Variants in RWDD1 observed in about 807,000 individuals in gnomAD.
The protein encoded by RWDD1 is RWD domain containing 1.
RWDD1 carries 17 observed loss-of-function variants against 31.6 expected under a neutral mutation model. That is an observed-to-expected ratio of 0.54 (90% confidence interval 0.37 to 0.81). RWDD1 has a LOEUF of 0.81. Among genes scored for constraint, RWDD1 ranks in the 30% least tolerant of loss-of-function variants. The pLI is 0.00. For missense variants in RWDD1, 204 were observed against 274.5 expected (o/e 0.74, Z 1.82); for synonymous variants, 78 against 94.2 (o/e 0.83, Z 0.99).
chr6:116,585,709 T>C (rs1480930490), intron 3 of RWDD1, among the ~76,000 whole-genome samples: 2 of 152,214 alleles, frequency 1.3e-5, no homozygotes, highest in Admixed American at 1.3e-4. Flanking sequence ...AAAGAAGATA[T>C]ATCAGATAGG....
chr6:116,591,176 A>G (rs1775138310), intron 6 of RWDD1, among the ~76,000 whole-genome samples: 1 of 152,050 alleles, frequency 6.6e-6, no homozygotes, highest in Non-Finnish European at 1.5e-5. Flanking sequence ...ACTGAACTTT[A>G]TTTATTGTAC....
chr6:116,587,119 A>C (rs553717594), intron 3 of RWDD1, among the ~76,000 whole-genome samples: 1 of 152,326 alleles, frequency 6.6e-6, no homozygotes, highest in Non-Finnish European at 1.5e-5. Flanking sequence ...TTTGTTATTG[A>C]AATGTGTCAA....
rs1296217409 is a variant in RWDD1 at position 116,594,837 on chromosome 6, T to TA, written c.*1737dup. Reference sequence around the variant, plus strand: ...AGAGCTGCCTCCAGTAAAAAATACATATGCCACATACCCACAAACAGCAAT... The same window carrying TA: ...AGAGCTGCCTCCAGTAAAAAATACATAATGCCACATACCCACAAACAGCAAT... On this transcript the variant is annotated 3_prime_UTR_variant, in exon 7 of 7. Transcript: ENST00000466444. 1 of 152,248 alleles carries TA rather than the reference T, an allele frequency of 6.6e-6. No homozygotes were observed. The highest frequency in any genetic ancestry group is 6.5e-5 in the Admixed American group (1 of 15,288). The allele number at this position is 152,248 out of a possible 1,614,324, so 9.4% of individuals were successfully genotyped here. A position where few individuals can be genotyped will look rare whatever the true frequency, so the allele number is the denominator to read the frequency against.
chr6:116,583,296 C>T (rs1349132551), intron 2 of RWDD1, among the ~76,000 whole-genome samples: 1 of 152,066 alleles, frequency 6.6e-6, no homozygotes, highest in Non-Finnish European at 1.5e-5. Context: ...TTTCCTTTGT[C>T]TCAAGATATT....
At chr6:116,576,044 G>A (rs956854004) in intron 1 of RWDD1, among the ~76,000 whole-genome samples, 1 of 152,178 alleles carries the variant, frequency 6.6e-6, no homozygotes, top group Admixed American at 6.5e-5. Flanking sequence ...AACTTTAAGA[G>A]TGGATATTGG....
At chr6:116,591,280 A>G (rs1191524769) in intron 6 of RWDD1, among the ~76,000 whole-genome samples, 3 of 152,216 alleles carry the variant, frequency 2.0e-5, no homozygotes, top group Admixed American at 1.3e-4. Flanking sequence ...TTGTAATTCT[A>G]TAGCAACATA....
At chr6:116,590,823 T>G in intron 5 of RWDD1, 65 bp from the exon 6 acceptor site, 1 of 1,519,754 alleles carries the variant, frequency 6.6e-7, no homozygotes, top group Non-Finnish European at 8.8e-7. Flanking sequence ...GCTTTCTAAG[T>G]ATTGTAGTGA....
At chr6:116,591,234 C>T (rs1775139147) in intron 6 of RWDD1, among the ~76,000 whole-genome samples, 1 of 152,088 alleles carries the variant, frequency 6.6e-6, no homozygotes, top group Admixed American at 6.5e-5. Flanking sequence ...AGAATAAATT[C>T]TAGTGGTTGA....
At chr6:116,574,792 A>T (rs1346115402) in intron 1 of RWDD1, among the ~76,000 whole-genome samples, 1 of 113,468 alleles carries the variant, frequency 8.8e-6, no homozygotes, top group Non-Finnish European at 1.6e-5. Context: ...CTTTTTTGAG[A>T]CAAGGTCTCA....
At chr6:116,576,190 G>T (rs933902378) in intron 1 of RWDD1, among the ~76,000 whole-genome samples, 10 of 152,186 alleles carry the variant, frequency 6.6e-5, no homozygotes, top group African/African-American at 2.4e-4. Context: ...CTCTGTATCT[G>T]TTTAATGAGA....
intron 1 of RWDD1, among the ~76,000 whole-genome samples, chr6:116,578,892 T>TC (rs1056089779): frequency 1.3e-5 from 2 of 152,088 alleles, no homozygotes; most frequent in Non-Finnish European, 2.9e-5. Flanking sequence ...TTTCTTTTTT[T>TC]TGAGACAGAG....
chr6:116,586,469 C>T (rs559758144), intron 3 of RWDD1, among the ~76,000 whole-genome samples: 1 of 152,030 alleles, frequency 6.6e-6, no homozygotes, highest in East Asian at 1.9e-4. Context: ...ATTTCAGTTA[C>T]ACATATATGA....
intron 3 of RWDD1, among the ~76,000 whole-genome samples, chr6:116,587,055 A>G (rs1775054048): frequency 6.6e-6 from 1 of 152,120 alleles, no homozygotes; most frequent in Non-Finnish European, 1.5e-5. Flanking sequence ...TTGCTTTTCT[A>G]TCGGAATACT....
At chr6:116,579,432 A>G (rs958876913) in intron 1 of RWDD1, among the ~76,000 whole-genome samples, 3 of 152,214 alleles carry the variant, frequency 2.0e-5, no homozygotes, top group Non-Finnish European at 4.4e-5. Flanking sequence ...GGTTCTGAGT[A>G]CAAGTTTTCT....
intron 2 of RWDD1, among the ~76,000 whole-genome samples, chr6:116,583,555 T>G (rs969925504): frequency 1.5e-4 from 23 of 151,884 alleles, no homozygotes; most frequent in African/African-American, 5.6e-4. Context: ...CACACACAAA[T>G]CATAATGATA....
chr6:116,580,830 C>T lies in RWDD1; in HGVS notation c.139+470C>T, dbSNP rs187739911. ...TTTCTGTCTCTTTCTTTTGAAATAA[C>T]GTAACTATAAAAACCAATAAATTAA... On this transcript the variant is annotated intron_variant, in intron 2 of 6. Coordinates refer to ENST00000466444, the MANE Select transcript of RWDD1 (RefSeq NM_015952.4). 2.6e-3 allele frequency among the ~76,000 whole-genome samples: 397 copies of T among 151,960 alleles called. 2 individuals are homozygous for T. The highest frequency in any genetic ancestry group is 8.7e-3 in the African/African-American group (360 of 41,470).
intron 2 of RWDD1, among the ~76,000 whole-genome samples, chr6:116,582,256 T>G (rs906377149): frequency 6.6e-6 from 1 of 151,388 alleles, no homozygotes; most frequent in African/African-American, 2.4e-5. Flanking sequence ...AGAATCAGTT[T>G]TTTTTTTTTT....
chr6:116,575,931 C>G (rs564113747), intron 1 of RWDD1, among the ~76,000 whole-genome samples: 1 of 152,196 alleles, frequency 6.6e-6, no homozygotes, highest in Non-Finnish European at 1.5e-5. Context: ...CTACTTCCAT[C>G]TTTTTAGTGG....
At chr6:116,592,874 A>C (rs1775169886) in intron 6 of RWDD1, 106 bp from the exon 7 acceptor site, 1 of 1,246,136 alleles carries the variant, frequency 8.0e-7, no homozygotes, top group Non-Finnish European at 1.1e-6. Context: ...CCTACCTCAT[A>C]TGCAGATTTG....
Sources: allele counts gnomAD v4.1 joint callset (sites outside exome capture counted in the v4.1 genomes callset), GRCh38; gene constraint gnomAD v4.1.1; transcripts MANE v1.5; gene names NCBI Gene and HGNC (gene_info 2026-07-23, HGNC 2026-07-21).